Variants in PRKCA observed in about 807,000 individuals in gnomAD.
PRKCA encodes protein kinase C alpha.
Under a neutral mutation model 87.0 loss-of-function variants are expected in PRKCA, and 27 were observed. That is an observed-to-expected ratio of 0.31 (90% CI 0.23 to 0.43). The LOEUF (loss-of-function observed/expected upper bound fraction) is 0.43, where lower values mean the gene tolerates loss of function less well. Ranked by LOEUF, PRKCA falls within the 20% of genes least tolerant of loss-of-function variation. PRKCA has a pLI of 1.00. For synonymous variants in PRKCA, 329 were observed against 311.1 expected (o/e 1.06, Z -0.61); for missense variants, 518 against 852.3 (o/e 0.61, Z 4.88).
chr17:66,757,525 A>G (rs553618248), intron 13 of PRKCA, among the ~76,000 whole-genome samples: 1 of 151,340 alleles, frequency 6.6e-6, no homozygotes, highest in East Asian at 2.0e-4. Context: ...CACGTTACCT[A>G]AAGAAGGGCA....
At chr17:66,707,107 C>A (rs891665300) in intron 8 of PRKCA, among the ~76,000 whole-genome samples, 2 of 152,154 alleles carry the variant, frequency 1.3e-5, no homozygotes, top group Non-Finnish European at 2.9e-5. Flanking sequence ...GACTCCTCTC[C>A]ATTCATCCAC....
chr17:66,662,397 G>A (rs2143906428), intron 5 of PRKCA, among the ~76,000 whole-genome samples: 1 of 152,274 alleles, frequency 6.6e-6, no homozygotes, highest in Non-Finnish European at 1.5e-5. Context: ...CCAATTCAGT[G>A]ATGGCTTTAG....
At chr17:66,314,868 T>TAC (rs1905227033) in intron 2 of PRKCA, among the ~76,000 whole-genome samples, 2 of 114,272 alleles carry the variant, frequency 1.8e-5, no homozygotes, top group Non-Finnish European at 3.8e-5. Context: ...TCTCTAGATA[T>TAC]ATATATATGT....
chr17:66,683,335 C>T (rs1265282818), intron 5 of PRKCA, among the ~76,000 whole-genome samples: 1 of 152,214 alleles, frequency 6.6e-6, no homozygotes. Context: ...TGTCAGTGTG[C>T]TAGGCCAGGG....
intron 2 of PRKCA, among the ~76,000 whole-genome samples, chr17:66,427,688 A>G (rs1014485389): frequency 6.6e-6 from 1 of 152,220 alleles, no homozygotes; most frequent in African/African-American, 2.4e-5. Context: ...GAAAGCAGTT[A>G]AGAAAGAGTT....
intron 3 of PRKCA, among the ~76,000 whole-genome samples, chr17:66,614,380 C>G (rs1357600210): frequency 1.3e-5 from 2 of 152,174 alleles, no homozygotes; most frequent in African/African-American, 4.8e-5. Flanking sequence ...GAGGCATCTA[C>G]CACACGTGAG....
intron 2 of PRKCA, among the ~76,000 whole-genome samples, chr17:66,310,454 T>C (rs1230679841): frequency 2.0e-5 from 3 of 152,150 alleles, no homozygotes; most frequent in Non-Finnish European, 4.4e-5. Flanking sequence ...GAATCTTGAG[T>C]CATTTCCCTG....
In PRKCA at chr17:66,688,227, G is replaced by A. The variant is rs192010011; in HGVS notation, c.687-75G>A. On this transcript the variant is annotated intron_variant, in intron 6 of 16. Coordinates refer to ENST00000413366, the MANE Select transcript of PRKCA (RefSeq NM_002737.3). ...TACTATTTCTTTATCTCAGGCTCGA[G>A]TCATATACATGTGGTATCTCCCAAG... 2.6e-6 allele frequency: 4 copies of A among 1,559,282 alleles called. No individual in the cohort carries two copies. The African/African-American group carries it at 5.4e-5, about 21-fold the overall frequency.
chr17:66,657,306 A>G (rs1305034012), intron 5 of PRKCA, among the ~76,000 whole-genome samples: 1 of 152,194 alleles, frequency 6.6e-6, no homozygotes, highest in Non-Finnish European at 1.5e-5. Context: ...CAAAGCAGGC[A>G]CTTTTTCCTA....
intron 2 of PRKCA, among the ~76,000 whole-genome samples, chr17:66,332,106 G>A (rs1193193415): frequency 2.0e-5 from 3 of 151,558 alleles, no homozygotes; most frequent in African/African-American, 7.3e-5. Flanking sequence ...ATTCATAATA[G>A]GATGTATAAA....
chr17:66,796,425 C>G, intron 16 of PRKCA: 2 of 984,996 alleles, frequency 2.0e-6, no homozygotes, highest in Non-Finnish European at 2.4e-6. Context: ...AAATCCTCTC[C>G]TTTGTCCGTT....
At chr17:66,593,143 T>C (rs776822193) in intron 3 of PRKCA, among the ~76,000 whole-genome samples, 4 of 152,198 alleles carry the variant, frequency 2.6e-5, no homozygotes, top group Non-Finnish European at 5.9e-5. Flanking sequence ...ATGTCTGATC[T>C]TGAGGTTGCG....
chr17:66,320,654 C>G (rs1461897204), intron 2 of PRKCA, among the ~76,000 whole-genome samples: 1 of 152,168 alleles, frequency 6.6e-6, no homozygotes, highest in Non-Finnish European at 1.5e-5. Context: ...AGGAAGATGA[C>G]CGTTCACGAA....
intron 3 of PRKCA, among the ~76,000 whole-genome samples, chr17:66,569,563 C>G (rs1969005963): frequency 6.6e-6 from 1 of 151,106 alleles, no homozygotes; most frequent in Non-Finnish European, 1.5e-5. Flanking sequence ...GAGTGAAACT[C>G]CATCTCAAAA....
chr17:66,722,550 T>G (rs1285037671), intron 8 of PRKCA, among the ~76,000 whole-genome samples: 1 of 152,256 alleles, frequency 6.6e-6, no homozygotes. Flanking sequence ...CTTTACAGAA[T>G]GCCACTGCAG....
intron 3 of PRKCA, among the ~76,000 whole-genome samples, chr17:66,583,739 GGTAA>G (rs1218277775): frequency 6.6e-6 from 1 of 152,046 alleles, no homozygotes; most frequent in East Asian, 1.9e-4. Context: ...TTTGAAGTTG[GGTAA>G]GTATTTTTCT....
At chr17:66,377,905 C>T (rs745519827) in intron 2 of PRKCA, among the ~76,000 whole-genome samples, 1 of 151,296 alleles carries the variant, frequency 6.6e-6, no homozygotes, top group Admixed American at 6.6e-5. Context: ...AGGCATGAGC[C>T]CCTATCCCTG....
intron 3 of PRKCA, among the ~76,000 whole-genome samples, chr17:66,605,735 T>G (rs1319072667): frequency 2.0e-5 from 3 of 152,216 alleles, no homozygotes; most frequent in African/African-American, 7.2e-5. Context: ...CAGTTGAACA[T>G]GATTAGGCAA....
intron 2 of PRKCA, among the ~76,000 whole-genome samples, chr17:66,370,363 C>T (rs1364501462): frequency 6.7e-6 from 1 of 150,196 alleles, no homozygotes; most frequent in African/African-American, 2.5e-5. Context: ...TCTGGAGTAG[C>T]TGGGACTACG....
Sources: allele counts gnomAD v4.1 joint callset (sites outside exome capture counted in the v4.1 genomes callset), GRCh38; gene constraint gnomAD v4.1.1; transcripts MANE v1.5; gene names NCBI Gene and HGNC (gene_info 2026-07-23, HGNC 2026-07-21).